The following ODF2L variants were observed in gnomAD, a reference collection of about 807,000 sequenced individuals.
The protein encoded by ODF2L is outer dense fiber of sperm tails 2 like, also known as protein BCAP.
In ODF2L, 76 loss-of-function variants were observed where a neutral mutation model predicts 86.3. The observed-to-expected ratio is 0.88, with a 90% CI of 0.73 to 1.07. The LOEUF (loss-of-function observed/expected upper bound fraction) is 1.07, where lower values mean the gene tolerates loss of function less well. Ranked by LOEUF, ODF2L falls within the 50% of genes least tolerant of loss-of-function variation. The probability of loss-of-function intolerance (pLI) is 0.00; values close to 1 mark genes in which losing one functional copy is unlikely to be tolerated. For missense variants in ODF2L, 748 were observed against 717.4 expected (o/e 1.04, Z -0.49); for synonymous variants, 241 against 231.3 (o/e 1.04, Z -0.38).
At chr1:86,382,148 A>C in intron 7 of ODF2L, 94 bp downstream of exon 7, 1 of 1,397,262 alleles carries the variant, frequency 7.2e-7, no homozygotes, top group Non-Finnish European at 9.3e-7. Flanking sequence ...TGTGTATTTT[A>C]AAACCACCAA....
chr1:86,373,754 C>T (rs1415254754), intron 8 of ODF2L, among the ~76,000 whole-genome samples: 1 of 152,094 alleles, frequency 6.6e-6, no homozygotes, highest in East Asian at 1.9e-4. Context: ...CTTGTCTTTG[C>T]TATAATGACG....
chr1:86,381,202 T>C (rs1402390433), intron 7 of ODF2L, among the ~76,000 whole-genome samples: 1 of 152,158 alleles, frequency 6.6e-6, no homozygotes, highest in Non-Finnish European at 1.5e-5. Flanking sequence ...TTTAGCCTTA[T>C]GTTCTTTCTC....
At chr1:86,366,391 TACAC>T (rs71643841) in intron 11 of ODF2L, among the ~76,000 whole-genome samples, 2,453 of 119,298 alleles carry the variant, frequency 0.021, 38 homozygotes, top group African/African-American at 0.046. Flanking sequence ...AGACCCCACC[TACAC>T]ACACACACAC....
At chr1:86,367,709 G>A (rs1262763923) in intron 11 of ODF2L, among the ~76,000 whole-genome samples, 1 of 152,118 alleles carries the variant, frequency 6.6e-6, no homozygotes, top group Non-Finnish European at 1.5e-5. Flanking sequence ...TGTAGTGAAA[G>A]AGCAATTATA....
chr1:86,371,672 T>G (rs1659795015), intron 9 of ODF2L, among the ~76,000 whole-genome samples: 1 of 152,184 alleles, frequency 6.6e-6, no homozygotes, highest in Non-Finnish European at 1.5e-5. Flanking sequence ...AAAATATATG[T>G]ATTTTTATTT....
At chr1:86,376,477 T>A in intron 7 of ODF2L, 59 bp from the exon 8 acceptor site, 1 of 1,092,842 alleles carries the variant, frequency 9.2e-7, no homozygotes, top group South Asian at 1.5e-5. Flanking sequence ...TATGTAAACA[T>A]TGTAAAAATA....
At chr1:86,394,496 C>G (rs1462446324) in intron 1 of ODF2L, among the ~76,000 whole-genome samples, 2 of 151,470 alleles carry the variant, frequency 1.3e-5, no homozygotes, top group Non-Finnish European at 2.9e-5. Flanking sequence ...TGCCTTTATT[C>G]AGTCAGGTTT....
intron 6 of ODF2L, 61 bp downstream of exon 6, chr1:86,382,870 A>G (rs1214792834): frequency 2.0e-5 from 16 of 795,492 alleles, no homozygotes; most frequent in Non-Finnish European, 3.3e-5. Flanking sequence ...CCAGGATGGG[A>G]AAAAAAAGGG....
At chr1:86,383,278 C>A in intron 4 of ODF2L, 82 bp from the exon 5 acceptor site, 1 of 598,424 alleles carries the variant, frequency 1.7e-6, no homozygotes, top group Non-Finnish European at 2.9e-6. Context: ...AAGCACTACT[C>A]AATAAATTAA....
chr1:86,354,855 T>G (rs767522821), exon 15 of ODF2L: 1 of 1,584,046 alleles, frequency 6.3e-7, no homozygotes, highest in Non-Finnish European at 8.6e-7. Context: ...GTGATTTCCA[T>G]CAACCTAAAA....
At chr1:86,396,113 G>A (rs1374788088) in exon 1 of ODF2L, 3 of 152,454 alleles carry the variant, frequency 2.0e-5, no homozygotes, top group African/African-American at 7.2e-5. Flanking sequence ...GAGGCGCCAC[G>A]GCTGCTGCAA....
chr1:86,349,674 CACAT>C (rs1657994426), downstream of ODF2L: 1 of 152,114 alleles, frequency 6.6e-6, no homozygotes, highest in South Asian at 2.1e-4. Flanking sequence ...AAAATAGTAA[CACAT>C]ACTTATTTTG....
chr1:86,382,554 T>A (rs1032327806), intron 6 of ODF2L, among the ~76,000 whole-genome samples, 196 bp from the exon 7 acceptor site: 2 of 152,022 alleles, frequency 1.3e-5, no homozygotes, highest in Non-Finnish European at 2.9e-5. Context: ...TCCCCCAACA[T>A]TTTTTATTTA....
chr1:86,372,484 C>A, exon 9 of ODF2L: 1 of 1,523,640 alleles, frequency 6.6e-7, no homozygotes, highest in Admixed American at 2.2e-5. Context: ...TCACAATTTT[C>A]TCATAATGAC....
At chr1:86,379,212 C>A (rs1395141317) in intron 7 of ODF2L, among the ~76,000 whole-genome samples, 6 of 152,092 alleles carry the variant, frequency 3.9e-5, no homozygotes, top group Admixed American at 6.6e-5. Flanking sequence ...AATTAAACTT[C>A]TTTTCTTTAT....
At chr1:86,354,467 T>C in intron 16 of ODF2L, 63 bp downstream of exon 15, 1 of 1,052,614 alleles carries the variant, frequency 9.5e-7, no homozygotes, top group Non-Finnish European at 1.4e-6. Flanking sequence ...GGTTGCAAGA[T>C]GTTTAAAAAG....
At chr1:86,372,589 T>C in intron 8 of ODF2L, 49 bp from the exon 9 acceptor site, 1 of 1,040,964 alleles carries the variant, frequency 9.6e-7, no homozygotes, top group Non-Finnish European at 1.4e-6. Flanking sequence ...AACATTTTTG[T>C]TTTGTTCAGA....
chr1:86,355,416 A>G lies in ODF2L; in HGVS notation c.1519-557T>C, dbSNP rs528217833. On this transcript the variant is annotated intron_variant, in intron 14 of 17. Coordinates refer to ENST00000317336, the Ensembl canonical transcript of ODF2L. ...AAATAATGTAAGAAGCTTTGATTCA[A>G]GGAAAAAATTTTTTTCTCATAATTT... 38 of 1,393,992 alleles carry G rather than the reference A, an allele frequency of 2.7e-5. 1 individual carries two copies. In the South Asian group the frequency reaches 4.8e-4, roughly 18 times the overall value. 86.4% of individuals were successfully genotyped at this position (1,393,992 alleles called of 1,614,324 possible).
intron 8 of ODF2L, among the ~76,000 whole-genome samples, chr1:86,372,894 A>G (rs1659900223): frequency 6.6e-6 from 1 of 152,188 alleles, no homozygotes; most frequent in South Asian, 2.1e-4. Flanking sequence ...GTATGTTCTC[A>G]CTCATAAGTG....
Sources: allele counts gnomAD v4.1 joint callset (sites outside exome capture counted in the v4.1 genomes callset), GRCh38; gene constraint gnomAD v4.1.1; transcripts MANE v1.5; gene names NCBI Gene and HGNC (gene_info 2026-07-23, HGNC 2026-07-21).